AKAP10: variants seen among roughly 807,000 people sequenced by gnomAD.
AKAP10 encodes the protein A-kinase anchoring protein 10, also known as A-kinase anchor protein 10, mitochondrial.
AKAP10 carries 24 observed loss-of-function variants against 80.8 expected under a neutral mutation model. The ratio of observed to expected loss-of-function variants is 0.30; its 90% CI spans 0.22 to 0.42. The LOEUF is 0.42. Among genes scored for constraint, AKAP10 ranks in the 10% least tolerant of loss-of-function variants. The probability of loss-of-function intolerance (pLI) is 1.00; values close to 1 mark genes in which losing one functional copy is unlikely to be tolerated. For synonymous variants in AKAP10, 291 were observed against 277.7 expected, an observed-to-expected ratio of 1.05 and a Z score of -0.48; for missense variants, 661 against 794.9, an observed-to-expected ratio of 0.83 and a Z score of 2.03.
intron 14 of AKAP10, among the ~76,000 whole-genome samples, chr17:19,908,798 C>A (rs2042659712): frequency 6.6e-6 from 1 of 152,032 alleles, no homozygotes; most frequent in Non-Finnish European, 1.5e-5. Context: ...TGCCACCACA[C>A]CCGGCTAAGA....
At chr17:19,934,331 C>G (rs1381929130) in intron 9 of AKAP10, among the ~76,000 whole-genome samples, 3 of 152,138 alleles carry the variant, frequency 2.0e-5, no homozygotes, top group Non-Finnish European at 4.4e-5. Context: ...CATTTCTAAG[C>G]TAACGTTGCG....
At chr17:19,976,847 G>A (rs552354468) in intron 1 of AKAP10, among the ~76,000 whole-genome samples, 13 of 152,258 alleles carry the variant, frequency 8.5e-5, no homozygotes, top group East Asian at 1.9e-4. Flanking sequence ...TGAAGCAACA[G>A]GAATTGACAG....
intron 12 of AKAP10, among the ~76,000 whole-genome samples, chr17:19,910,240 T>C (rs1237712778): frequency 1.3e-5 from 2 of 149,364 alleles, no homozygotes; most frequent in South Asian, 2.1e-4. Context: ...GGCAGAAGAA[T>C]TGCTTGAACC....
rs534553204 is a variant in AKAP10 at position 19,963,679 on chromosome 17, G to A, written c.137-657C>T. Among the ~76,000 whole-genome samples the A allele has an allele frequency of 8.5e-5, 13 of 152,196 alleles. No homozygotes were observed. In the East Asian group the frequency reaches 2.5e-3, roughly 29 times the overall value. On this transcript the variant is annotated intron_variant, in intron 2 of 14. Transcript: ENST00000225737. ...GGAGGCCAAGGTGGGTGGATCACCT[G>A]AGGTCAGGAGTTCAAGACCAGCCTG... is the stretch of plus-strand genomic sequence containing the variant.
chr17:19,927,651 C>T (rs187361167), intron 10 of AKAP10, among the ~76,000 whole-genome samples: 2 of 152,160 alleles, frequency 1.3e-5, no homozygotes, highest in African/African-American at 2.4e-5. Context: ...TAGCTCATGC[C>T]GGTAATCCCA....
At chr17:19,931,537 C>T (rs1448874785) in intron 10 of AKAP10, among the ~76,000 whole-genome samples, 1 of 151,764 alleles carries the variant, frequency 6.6e-6, no homozygotes, top group Non-Finnish European at 1.5e-5. Flanking sequence ...ATTACAGGTG[C>T]CTGCCACCAT....
intron 8 of AKAP10, among the ~76,000 whole-genome samples, chr17:19,936,837 T>A (rs2042997984): frequency 6.6e-6 from 1 of 152,218 alleles, no homozygotes; most frequent in South Asian, 2.1e-4. Flanking sequence ...AGCTGAGAAC[T>A]TGTATGCACA....
intron 9 of AKAP10, chr17:19,936,078 C>T (rs2042988996): frequency 2.4e-6 from 1 of 409,892 alleles, no homozygotes; most frequent in African/African-American, 2.0e-5. Flanking sequence ...CGTACAGGAC[C>T]ATCGTACACG....
intron 14 of AKAP10, among the ~76,000 whole-genome samples, chr17:19,907,744 G>C (rs1478367477): frequency 1.3e-5 from 2 of 151,640 alleles, no homozygotes; most frequent in African/African-American, 4.8e-5. Context: ...GCCACTTGAT[G>C]GTCTTTGTCT....
intron 14 of AKAP10, among the ~76,000 whole-genome samples, chr17:19,907,601 G>A (rs1423478913): frequency 2.6e-5 from 4 of 151,370 alleles, no homozygotes; most frequent in Admixed American, 2.6e-4. Flanking sequence ...TGTATTTTTA[G>A]TAGAGAAGGG....
intron 5 of AKAP10, chr17:19,947,201 C>G: frequency 1.9e-6 from 1 of 533,376 alleles, no homozygotes; most frequent in South Asian, 2.1e-5. Context: ...GCCCATCTGG[C>G]CCAGGCAAAG....
intron 4 of AKAP10, among the ~76,000 whole-genome samples, chr17:19,948,577 G>A (rs2043162287): frequency 6.6e-6 from 1 of 152,100 alleles, no homozygotes; most frequent in Non-Finnish European, 1.5e-5. Flanking sequence ...CACAGAGGTT[G>A]ACATAGCTAC....
At chr17:19,951,914 T>TAAAAAAAAAAA (rs759583171) in intron 4 of AKAP10, among the ~76,000 whole-genome samples, 3 of 86,032 alleles carry the variant, frequency 3.5e-5, no homozygotes, top group Non-Finnish European at 4.8e-5. Context: ...AAATAAGAAT[T>TAAAAAAAAAAA]AAAAAAAAAA....
rs1555576595 is a variant in AKAP10, at chr17:19,946,237, T to TTTTATA, written c.976+1169_976+1170insTATAAA. On this transcript the variant is annotated intron_variant, in intron 5 of 14. Transcript: ENST00000225737. ...TATATATATTTTATATATATATATA[T>TTTTATA]TATATATATATATATATATATATAT... is the stretch of plus-strand genomic sequence containing the variant. Among the ~76,000 whole-genome samples, 3 of 15,176 alleles carry TTTTATA rather than the reference T, an allele frequency of 2.0e-4. 1 individual carries two copies. The highest frequency in any genetic ancestry group is 3.1e-4 in the Non-Finnish European group (3 of 9,818). 10.0% of individuals were successfully genotyped at this position (15,176 alleles called of 152,430 possible).
Position 19,917,413 on chromosome 17 carries a change from T to C in AKAP10, c.1834+2623A>G, listed in dbSNP as rs1211694835. On this transcript the variant is annotated intron_variant, in intron 12 of 14. Coordinates refer to ENST00000225737, the MANE Select transcript of AKAP10 (RefSeq NM_007202.4). The stretch of plus-strand genomic sequence containing the variant: ...TGGCCAATGCCTCACAAAGGTCATC[T>C]GGCACTTCCTCTGTTCTAAAACCAC... Among the ~76,000 whole-genome samples the C allele has an allele frequency of 2.6e-5, 4 of 152,314 alleles. No homozygotes were observed. In the East Asian group the frequency reaches 7.7e-4, roughly 29 times the overall value.
intron 8 of AKAP10, among the ~76,000 whole-genome samples, chr17:19,936,819 A>G (rs535240568): frequency 6.6e-6 from 1 of 152,228 alleles, no homozygotes; most frequent in East Asian, 1.9e-4. Flanking sequence ...CATTTTCCCT[A>G]AAAAGCGAGC....
chr17:19,924,306 A>G (rs2042850610), intron 11 of AKAP10, 102 bp downstream of exon 11: 1 of 783,802 alleles, frequency 1.3e-6, no homozygotes, highest in African/African-American at 1.8e-5. Flanking sequence ...AGTTCTGGGC[A>G]TATAATAATA....
chr17:19,923,768 C>T (rs1448392914), intron 11 of AKAP10, among the ~76,000 whole-genome samples: 4 of 152,114 alleles, frequency 2.6e-5, no homozygotes, highest in Admixed American at 6.5e-5. Context: ...CCTCGTGATC[C>T]GCCCACCTCG....
intron 9 of AKAP10, among the ~76,000 whole-genome samples, chr17:19,932,467 A>C (rs2042946561): frequency 6.6e-6 from 1 of 151,730 alleles, no homozygotes; most frequent in South Asian, 2.1e-4. Flanking sequence ...AAAAAAAAAA[A>C]AAAATTACAA....
Sources: allele counts gnomAD v4.1 joint callset (sites outside exome capture counted in the v4.1 genomes callset), GRCh38; gene constraint gnomAD v4.1.1; transcripts MANE v1.5; gene names NCBI Gene and HGNC (gene_info 2026-07-23, HGNC 2026-07-21).